Variants in EHBP1 observed in about 807,000 individuals in gnomAD.
EHBP1 encodes EH domain binding protein 1.
EHBP1 carries 55 observed loss-of-function variants against 144.0 expected under a neutral mutation model. The ratio of observed to expected loss-of-function variants is 0.38; its 90% CI spans 0.31 to 0.48. The LOEUF (loss-of-function observed/expected upper bound fraction) is 0.48, where lower values mean the gene tolerates loss of function less well. EHBP1 is among the 20% of genes least tolerant of loss of function. The pLI, the probability that EHBP1 is intolerant of heterozygous loss-of-function variation, is 0.98. For missense variants in EHBP1, 1,200 were observed against 1,364.2 expected (o/e 0.88, Z 1.90); for synonymous variants, 469 against 472.7 (o/e 0.99, Z 0.10).
intron 10 of EHBP1, among the ~76,000 whole-genome samples, chr2:62,903,224 A>G (rs2053548726): frequency 6.6e-6 from 1 of 152,236 alleles, no homozygotes; most frequent in African/African-American, 2.4e-5. Context: ...TATTAAAATT[A>G]CATGCTAAGT....
intron 16 of EHBP1, 65 bp from the exon 17 acceptor site, chr2:62,993,465 T>C (rs902291666): frequency 3.0e-6 from 4 of 1,344,606 alleles, no homozygotes; most frequent in Admixed American, 2.6e-5. Context: ...AAAATTGCCT[T>C]ACTAATGTGT....
intron 10 of EHBP1, among the ~76,000 whole-genome samples, chr2:62,928,851 A>G (rs2055749405): frequency 6.6e-6 from 1 of 151,746 alleles, no homozygotes; most frequent in Non-Finnish European, 1.5e-5. Flanking sequence ...AAAAAAAAAA[A>G]AAAAAGAGAA....
At chr2:62,845,967 A>G (rs1211968708) in intron 7 of EHBP1, among the ~76,000 whole-genome samples, 4 of 152,198 alleles carry the variant, frequency 2.6e-5, no homozygotes, top group Admixed American at 1.3e-4. Context: ...ATAAGGTATC[A>G]TAGCTACCTT....
chr2:62,894,927 A>AGAG lies in EHBP1; in HGVS notation c.1185+20395_1185+20396insGAG, dbSNP rs71410972. 1.9e-3 allele frequency among the ~76,000 whole-genome samples: 273 copies of AGAG among 141,202 alleles called. 1 individual carries two copies. Among genetic ancestry groups the AGAG allele is most frequent in the South Asian group, 7.9e-3 (33 of 4,192 alleles). The allele number at this position is 141,202 out of a possible 152,430, so 92.6% of individuals were successfully genotyped here. Reference sequence around the variant, plus strand: ...CAAGACCCTAGCAAAAACAGAAAGAAAGAGAGAGAGAGAGAGAGAGAGAGA... The same window carrying AGAG: ...CAAGACCCTAGCAAAAACAGAAAGAAGAGAGAGAGAGAGAGAGAGAGAGAGAGA... On this transcript the variant is annotated intron_variant, in intron 10 of 22. Coordinates refer to ENST00000431489, the MANE Select transcript of EHBP1 (RefSeq NM_001142616.3).
chr2:62,771,312 CCATTT>C (rs2041639863), intron 4 of EHBP1, 22 bp from the exon 5 acceptor site: 1 of 1,562,784 alleles, frequency 6.4e-7, no homozygotes, highest in African/African-American at 1.4e-5. Context: ...TATTTCAATT[CCATTT>C]CATATTTTGC....
intron 5 of EHBP1, among the ~76,000 whole-genome samples, chr2:62,776,112 A>G (rs1013188837): frequency 6.6e-6 from 1 of 152,198 alleles, no homozygotes; most frequent in Non-Finnish European, 1.5e-5. Context: ...GAATTCTAGA[A>G]TTTATCAGTC....
At position 62,883,919 on chromosome 2, in the gene EHBP1, C is replaced by T. The variant is rs918897787; in HGVS notation, c.1185+9387C>T. Among the ~76,000 whole-genome samples the T allele has an allele frequency of 5.3e-5, 8 of 151,940 alleles. No individual in the cohort carries two copies. In the East Asian group the frequency reaches 5.8e-4, roughly 11 times the overall value. ...CTGGGAGGTAGAGGCTGAAGTGAGC[C>T]GTGATGCGTCACTGCACTCCAGCCG... On this transcript the variant is annotated intron_variant, in intron 10 of 22. Transcript: ENST00000431489.
At chr2:63,034,873 A>G (rs1237084640) in intron 19 of EHBP1, among the ~76,000 whole-genome samples, 1 of 152,082 alleles carries the variant, frequency 6.6e-6, no homozygotes, top group African/African-American at 2.4e-5. Flanking sequence ...AACATCCAGC[A>G]TTCATTTGAA....
intron 5 of EHBP1, among the ~76,000 whole-genome samples, chr2:62,825,569 G>T (rs1352704447): frequency 6.8e-6 from 1 of 147,954 alleles, no homozygotes; most frequent in Non-Finnish European, 1.5e-5. Context: ...GAAGAAATAA[G>T]ACTCAAATTA....
intron 14 of EHBP1, among the ~76,000 whole-genome samples, chr2:62,962,195 T>C (rs2058035325): frequency 6.6e-6 from 1 of 150,700 alleles, no homozygotes; most frequent in African/African-American, 2.5e-5. Flanking sequence ...GCACGGTGGC[T>C]CACGCCTCTA....
intron 19 of EHBP1, among the ~76,000 whole-genome samples, chr2:63,010,261 A>G (rs1359314325): frequency 1.3e-5 from 2 of 151,550 alleles, no homozygotes; most frequent in African/African-American, 4.8e-5. Flanking sequence ...TGAATCCAGA[A>G]TTAGAGGTTG....
At chr2:62,774,842 C>T (rs1043523291) in intron 5 of EHBP1, among the ~76,000 whole-genome samples, 6 of 151,960 alleles carry the variant, frequency 3.9e-5, no homozygotes, top group African/African-American at 1.5e-4. Flanking sequence ...GAAACCCTGT[C>T]TCAAACAAAA....
At chr2:63,012,811 G>C (rs1000271433) in intron 19 of EHBP1, among the ~76,000 whole-genome samples, 2 of 152,146 alleles carry the variant, frequency 1.3e-5, no homozygotes, top group African/African-American at 4.8e-5. Flanking sequence ...CATTCTTTTG[G>C]GTCATCATTC....
intron 7 of EHBP1, among the ~76,000 whole-genome samples, chr2:62,858,748 C>G (rs1558805029): frequency 2.6e-5 from 4 of 152,142 alleles, no homozygotes; most frequent in Admixed American, 2.0e-4. Flanking sequence ...TAAGATAATA[C>G]TTGGTCATAC....
intron 19 of EHBP1, among the ~76,000 whole-genome samples, chr2:63,013,767 C>T (rs528295599): frequency 7.2e-5 from 11 of 152,098 alleles, no homozygotes; most frequent in Non-Finnish European, 5.9e-5. Context: ...TTTCAGTGGA[C>T]GCACTCGTTG....
At chr2:62,796,426 G>C (rs562340042) in intron 5 of EHBP1, among the ~76,000 whole-genome samples, 7 of 152,104 alleles carry the variant, frequency 4.6e-5, no homozygotes, top group South Asian at 2.1e-4. Context: ...TCATCAAATA[G>C]GTCACCTTTT....
At chr2:62,778,572 A>G (rs985688578) in intron 5 of EHBP1, among the ~76,000 whole-genome samples, 9 of 151,318 alleles carry the variant, frequency 5.9e-5, no homozygotes, top group Admixed American at 5.3e-4. Context: ...CCAAGGCAGT[A>G]GTGTAAATGC....
At chr2:62,782,580 T>G (rs984017711) in intron 5 of EHBP1, among the ~76,000 whole-genome samples, 1 of 152,128 alleles carries the variant, frequency 6.6e-6, no homozygotes, top group Non-Finnish European at 1.5e-5. Flanking sequence ...ACAGTCATAG[T>G]GGAAGGCACC....
rs192564546 is a variant in EHBP1, at chr2:62,731,194, A to T, written c.105-16201A>T. On this transcript the variant is annotated intron_variant, in intron 2 of 22. Transcript: ENST00000431489. ...ATGGTATTCCTGTTTTTAAATTCCA[A>T]TTCCAATTGGTAAATTCCAATTGTT... 2.5e-3 allele frequency among the ~76,000 whole-genome samples: 384 copies of T among 151,760 alleles called. 5 individuals carry two copies. The highest frequency in any genetic ancestry group is 0.01 in the Middle Eastern group (3 of 292).
Sources: allele counts gnomAD v4.1 joint callset (sites outside exome capture counted in the v4.1 genomes callset), GRCh38; gene constraint gnomAD v4.1.1; transcripts MANE v1.5; gene names NCBI Gene and HGNC (gene_info 2026-07-23, HGNC 2026-07-21).